The following HEXA variants were observed in gnomAD, a reference collection of about 807,000 sequenced individuals.
HEXA encodes the protein beta-hexosaminidase subunit alpha.
In HEXA, 54 loss-of-function variants were observed where a neutral mutation model predicts 73.3. That is an observed-to-expected ratio of 0.74 (90% CI 0.59 to 0.92). The LOEUF is 0.92. HEXA is among the 40% of genes least tolerant of loss of function. The pLI is 0.00. For synonymous variants in HEXA, 230 were observed against 246.9 expected (o/e 0.93, Z 0.64); for missense variants, 649 against 653.0 (o/e 0.99, Z 0.07).
intron 3 of HEXA, 190 bp downstream of exon 3, chr15:72,355,369 T>C (rs754128983): frequency 1.6e-6 from 1 of 629,380 alleles, no homozygotes; most frequent in Non-Finnish European, 2.9e-6. Flanking sequence ...CTACTAAAAA[T>C]ACAAGAATTA....
In HEXA at chr15:72,375,965, C is replaced by T. The variant is rs374524755; in HGVS notation, c.8G>A (p.Ser3Asn). Reference sequence around the variant, plus strand: ...CAGCAGCGAAAACCAAAGCCTGGAGCTTGTCATGGCCCGCTGGTCTCCCCT... The same window carrying T: ...CAGCAGCGAAAACCAAAGCCTGGAGTTTGTCATGGCCCGCTGGTCTCCCCT... Reference protein sequence around the residue: MTSSRLWFSLLLA... With the variant: MTNSRLWFSLLLA... The change falls in exon 1 of 14, where the codon AGC becomes AAC. Residue 3 changes from serine (S) to asparagine (N), a missense_variant. Coordinates refer to ENST00000268097, the MANE Select transcript of HEXA (RefSeq NM_000520.6). 1.9e-6 allele frequency: 3 copies of T among 1,613,706 alleles called. No homozygotes were observed. In the South Asian group the frequency reaches 3.3e-5, roughly 18 times the overall value.
intron 13 of HEXA, among the ~76,000 whole-genome samples, chr15:72,344,954 T>C (rs1353453559): frequency 1.3e-5 from 2 of 152,214 alleles, no homozygotes; most frequent in Non-Finnish European, 2.9e-5. Flanking sequence ...TCAGTGTCTA[T>C]CTCTAAAATG....
At position 72,375,916 on chromosome 15, in the gene HEXA, C is replaced by T; in HGVS notation, c.57G>A (p.Arg19=). The T allele has an allele frequency of 1.2e-6, 2 of 1,614,186 alleles. No individual in the cohort carries two copies. The highest frequency in any genetic ancestry group is 8.5e-7 in the Non-Finnish European group (1 of 1,180,050). Residue 19 remains arginine (R), a synonymous_variant, in exon 1 of 14, where the codon CGG becomes CGA. Coordinates refer to ENST00000268097, the MANE Select transcript of HEXA (RefSeq NM_000520.6). Reference sequence around the variant, plus strand: ...GAGGCCAGGGCCAGAGGGCCGTCGCCCGTCCTGCGAACGCTGCCGCCAGCA... The same window carrying T: ...GAGGCCAGGGCCAGAGGGCCGTCGCTCGTCCTGCGAACGCTGCCGCCAGCA... The part of the protein sequence containing the change: ...SLLLAAAFAG[R]ATALWPWPQN...
chr15:72,344,610 C>CTATA (rs757791488), intron 13 of HEXA, among the ~76,000 whole-genome samples: 7 of 152,168 alleles, frequency 4.6e-5, no homozygotes, highest in Non-Finnish European at 1.0e-4. Context: ...GGGTCTCAGT[C>CTATA]TATAACCTGA....
chr15:72,370,324 C>T (rs545835378), intron 1 of HEXA: 43 of 294,884 alleles, frequency 1.5e-4, no homozygotes, highest in African/African-American at 8.2e-4. Flanking sequence ...ATAAACCAGG[C>T]CCAGGCTACC....
At chr15:72,345,306 G>T in intron 13 of HEXA, 140 bp downstream of exon 13, 1 of 1,486,000 alleles carries the variant, frequency 6.7e-7, no homozygotes, top group Non-Finnish European at 9.0e-7. Context: ...TATCGCAGTT[G>T]GTTGAATCCG....
chr15:72,362,323 A>G (rs986448836), intron 1 of HEXA: 1 of 392,796 alleles, frequency 2.5e-6, no homozygotes, highest in Non-Finnish European at 5.1e-6. Flanking sequence ...GTATACATAC[A>G]TTTTTCAAAA....
At chr15:72,347,173 C>A in intron 10 of HEXA, among the ~76,000 whole-genome samples, 1 of 150,396 alleles carries the variant, frequency 6.6e-6, no homozygotes, top group Non-Finnish European at 1.5e-5. Flanking sequence ...AAGAAAAATC[C>A]AGCCTATCCA....
At position 72,346,219 on chromosome 15, in the gene HEXA, C is replaced by T; in HGVS notation, c.1421+16G>A. The T allele has an allele frequency of 6.2e-7, 1 of 1,601,136 alleles. No individual in the cohort carries two copies. On this transcript the variant is annotated intron_variant, in intron 12 of 13. Transcript: ENST00000268097. ...TCTCAGGCCCAACCCTCCACCTCCCCCCCGAAAACCCTTACCAGAGCCTGG... is the reference window on the plus strand; with the variant it reads ...TCTCAGGCCCAACCCTCCACCTCCCTCCCGAAAACCCTTACCAGAGCCTGG...
At chr15:72,355,712 T>TAAAA in intron 2 of HEXA, 88 bp from the exon 3 acceptor site, 2 of 725,302 alleles carry the variant, frequency 2.8e-6, no homozygotes, top group Non-Finnish European at 4.7e-6. Flanking sequence ...ATCACTGGAC[T>TAAAA]AAAAAAAAAA....
chr15:72,360,375 C>T (rs2088837925), intron 1 of HEXA: 1 of 152,342 alleles, frequency 6.6e-6, no homozygotes, highest in African/African-American at 2.4e-5. Flanking sequence ...CACCACCTCC[C>T]TTATGCTCAG....
At chr15:72,346,042 G>T (rs1316090434) in intron 12 of HEXA, 193 bp downstream of exon 12, 1 of 618,910 alleles carries the variant, frequency 1.6e-6, no homozygotes, top group Non-Finnish European at 2.9e-6. Context: ...AGGGCAGCTG[G>T]AGGGATATAG....
chr15:72,355,380 G>GTAGTATTTTTACCAAGTA, intron 3 of HEXA, 179 bp downstream of exon 3: 1 of 653,750 alleles, frequency 1.5e-6, no homozygotes, highest in Non-Finnish European at 2.8e-6. Flanking sequence ...ACAAGAATTA[G>GTAGTATTTTTACCAAGTA]CTGGGCATGG....
At chr15:72,371,885 T>C (rs1346098246) in intron 1 of HEXA, among the ~76,000 whole-genome samples, 1 of 152,166 alleles carries the variant, frequency 6.6e-6, no homozygotes, top group Non-Finnish European at 1.5e-5. Flanking sequence ...CTTACTTCCA[T>C]TCCAGAATAA....
At chr15:72,368,223 C>A (rs1297857441) in intron 1 of HEXA, among the ~76,000 whole-genome samples, 2 of 152,140 alleles carry the variant, frequency 1.3e-5, no homozygotes, top group Non-Finnish European at 1.5e-5. Context: ...GAAGTTACTA[C>A]CTATTTGAAG....
At chr15:72,355,278 A>C (rs1595803180) in intron 3 of HEXA, 1 of 447,342 alleles carries the variant, frequency 2.2e-6, no homozygotes. Flanking sequence ...GTAATCCCAG[A>C]ACTTTGGGAG....
Position 72,351,208 on chromosome 15 carries a change from G to C in HEXA, c.597C>G (p.Asn199Lys). 3 of 1,611,318 alleles carry C rather than the reference G, an allele frequency of 1.9e-6. No homozygotes were observed. Among genetic ancestry groups the C allele is most frequent in the Non-Finnish European group, 2.5e-6 (3 of 1,177,476 alleles). The change falls in exon 6 of 14, where the codon AAC becomes AAG. Residue 199 changes from asparagine (N) to lysine (K), a missense_variant. By Grantham distance (94) the Asn-to-Lys change is moderately conservative. Transcript: ENST00000268097. ...TLDVMAYNKL[N>K]VFHWHLVDDP... ...CATCTACCAGATGCCAGTGGAACAC[G>C]TTCAATTTATTGTACGCCATGACAT...
At position 72,347,695 on chromosome 15, in the gene HEXA, A is replaced by G. The variant is rs2140321800; in HGVS notation, c.1137T>C (p.Asn379=). The G allele has an allele frequency of 1.2e-6, 2 of 1,614,074 alleles. No individual in the cohort carries two copies. The highest frequency in any genetic ancestry group is 1.7e-6 in the Non-Finnish European group (2 of 1,179,952). The change falls in exon 10 of 14, where the codon AAT becomes AAC. Residue 379 remains asparagine, a synonymous_variant. Transcript: ENST00000268097. ...CTCTGCCCCGGCTCACCTTTACTTT[A>G]TTATCAAACACCTCCTGCCACACCA... ...GYVVWQEVFD[N]KVKIQPDTII... is the part of the protein sequence containing the mutation.
chr15:72,375,829 G>A lies in HEXA; in HGVS notation c.144C>T (p.Tyr48=), dbSNP rs2140344619. 6.2e-7 allele frequency: 1 copy of A among 1,614,246 alleles called. No individual in the cohort carries two copies. The highest frequency in any genetic ancestry group is 8.5e-7 in the Non-Finnish European group (1 of 1,180,038). ...CGGGCTGCGCGGCCGAGCTGACATC[G>A]TACTGGAATTGAAAGTTGTTCGGGT... The part of the protein sequence containing the change: ...VLYPNNFQFQ[Y]DVSSAAQPGC... Residue 48 remains tyrosine (Y), a synonymous_variant, in exon 1 of 14, where the codon TAC becomes TAT. Coordinates refer to ENST00000268097, the MANE Select transcript of HEXA (RefSeq NM_000520.6).
Sources: allele counts gnomAD v4.1 joint callset (sites outside exome capture counted in the v4.1 genomes callset), GRCh38; gene constraint gnomAD v4.1.1; transcripts MANE v1.5; gene names NCBI Gene and HGNC (gene_info 2026-07-23, HGNC 2026-07-21).